Variants in PASD1 observed in about 807,000 individuals in gnomAD.
PASD1 encodes the protein circadian clock protein PASD1.
A neutral mutation model predicts 58.8 loss-of-function variants in PASD1; 13 were observed. That is an observed-to-expected ratio of 0.22 (90% CI 0.14 to 0.35). The LOEUF is 0.35. Ranked by LOEUF, PASD1 falls within the 10% of genes least tolerant of loss-of-function variation. The probability of loss-of-function intolerance (pLI) is 1.00; values close to 1 mark genes in which losing one functional copy is unlikely to be tolerated. For synonymous variants in PASD1, 236 were observed against 216.7 expected, an observed-to-expected ratio of 1.09 and a Z score of -0.78; for missense variants, 734 against 568.3, an observed-to-expected ratio of 1.29 and a Z score of -2.96.
At chrX:151,622,586 TACACACACACACACACAC>T (rs202044764) in intron 6 of PASD1, among the ~76,000 whole-genome samples, 1 of 96,757 alleles carries the variant, frequency 1.0e-5, no homozygotes, top group Non-Finnish European at 2.1e-5. Flanking sequence ...GTGCACAGAT[TACACACACACACACACAC>T]ACACACACAC....
Position 151,664,435 on chromosome X carries a change from T to G in PASD1, c.1071+87T>G. 4 of 1,141,769 alleles carry G rather than the reference T, an allele frequency of 3.5e-6. No homozygotes were observed. The South Asian group carries it at 8.1e-5, about 23-fold the overall frequency. The allele number at this position is 1,141,769 out of a possible 1,213,427, so 94.1% of individuals were successfully genotyped here. A position where few individuals can be genotyped will look rare whatever the true frequency, so the allele number is the denominator to read the frequency against. ...CCAAATTTTCACTCTTGTGACCAGT[T>G]TCACTTCACAGAAAGTATGTTTGTT... On this transcript the variant is annotated intron_variant, in intron 11 of 15. Coordinates refer to ENST00000370357, the MANE Select transcript of PASD1 (RefSeq NM_173493.3).
chrX:151,564,980 A>G (rs1026751948), intron 1 of PASD1, among the ~76,000 whole-genome samples: 1 of 112,155 alleles, frequency 8.9e-6, no homozygotes, highest in African/African-American at 3.2e-5. Context: ...AAGAATGTAA[A>G]TTAATCTACC....
chrX:151,624,030 A>G (rs1428671844), intron 7 of PASD1, among the ~76,000 whole-genome samples: 3 of 111,745 alleles, frequency 2.7e-5, no homozygotes, highest in Non-Finnish European at 5.6e-5. Flanking sequence ...GGAAGGTGAC[A>G]TGATCTGATT....
chrX:151,581,550 C>A (rs1222504126), intron 1 of PASD1, among the ~76,000 whole-genome samples: 2 of 111,298 alleles, frequency 1.8e-5, no homozygotes, highest in African/African-American at 6.5e-5. Flanking sequence ...GATAGCACCA[C>A]TGCACTCCAG....
chrX:151,620,787 A>G (rs1448870021), intron 4 of PASD1, 143 bp from the exon 5 acceptor site: 1 of 371,084 alleles, frequency 2.7e-6, no homozygotes, highest in African/African-American at 2.6e-5. Context: ...GTATAACTGT[A>G]CATGGCTGAG....
chrX:151,650,432 T>C (rs1365736743), intron 9 of PASD1, among the ~76,000 whole-genome samples: 1 of 111,584 alleles, frequency 9.0e-6, no homozygotes, highest in Non-Finnish European at 1.9e-5. Context: ...ACAGCTGCTA[T>C]TTAATTTTGC....
chrX:151,656,434 T>C (rs942131331), intron 9 of PASD1, among the ~76,000 whole-genome samples: 6 of 111,929 alleles, frequency 5.4e-5, no homozygotes, highest in African/African-American at 1.6e-4. Context: ...ATTGAATCTA[T>C]AAATTACCTT....
Position 151,659,943 on chromosome X carries a change from TC to T in PASD1, c.841+110del, listed in dbSNP as rs774174870. 562 of 745,441 alleles carry T rather than the reference TC, an allele frequency of 7.5e-4. No homozygotes were observed. The African/African-American group carries it at 9.7e-3, about 13-fold the overall frequency. The allele number at this position is 745,441 out of a possible 1,213,427, so 61.4% of individuals were successfully genotyped here. A position where few individuals can be genotyped will look rare whatever the true frequency, so the allele number is the denominator to read the frequency against. On this transcript the variant is annotated intron_variant, in intron 10 of 15. Transcript: ENST00000370357. Reference sequence around the variant, plus strand: ...TATAATGCTCTATAATACTGTGAAATCCCAGAGTGAATTCCAACTTTCTTCA... The same window carrying T: ...TATAATGCTCTATAATACTGTGAAATCCAGAGTGAATTCCAACTTTCTTCA...
chrX:151,671,869 G>C, intron 13 of PASD1, 90 bp downstream of exon 13: 1 of 960,988 alleles, frequency 1.0e-6, no homozygotes, highest in Non-Finnish European at 1.4e-6. Flanking sequence ...AGGGGGTAGT[G>C]ACTATCCACT....
At chrX:151,639,091 T>G (rs2013967054) in intron 8 of PASD1, among the ~76,000 whole-genome samples, 1 of 112,453 alleles carries the variant, frequency 8.9e-6, no homozygotes, top group Admixed American at 9.4e-5. Context: ...CCCTTTTGTC[T>G]GTCAGACTTC....
intron 3 of PASD1, among the ~76,000 whole-genome samples, chrX:151,610,989 T>C (rs1157099290): frequency 2.7e-5 from 3 of 111,313 alleles, no homozygotes; most frequent in African/African-American, 9.8e-5. Context: ...CCTCCTACCT[T>C]GTACAGGCCT....
At chrX:151,624,978 T>C (rs757390406) in intron 7 of PASD1, among the ~76,000 whole-genome samples, 2 of 112,050 alleles carry the variant, frequency 1.8e-5, no homozygotes, top group African/African-American at 3.2e-5. Context: ...CCCCAGTAAC[T>C]ACTTCCTTTT....
chrX:151,624,488 C>T (rs1276691088), intron 7 of PASD1, among the ~76,000 whole-genome samples: 1 of 111,955 alleles, frequency 8.9e-6, no homozygotes, highest in Non-Finnish European at 1.9e-5. Flanking sequence ...CCTACCAGCT[C>T]TGTGACCTTG....
At chrX:151,618,727 A>G (rs1460916540) in intron 4 of PASD1, among the ~76,000 whole-genome samples, 2 of 111,972 alleles carry the variant, frequency 1.8e-5, no homozygotes, top group East Asian at 5.6e-4. Flanking sequence ...CATTGCAAAT[A>G]TTTGGGAACG....
chrX:151,612,383 A>G (rs951936651), intron 4 of PASD1, among the ~76,000 whole-genome samples: 1 of 108,138 alleles, frequency 9.2e-6, no homozygotes, highest in African/African-American at 3.4e-5. Flanking sequence ...ATCCCTGAGG[A>G]ATCGCCACAC....
At chrX:151,672,947 T>C (rs1391887957) in intron 14 of PASD1, 2 of 299,783 alleles carry the variant, frequency 6.7e-6, no homozygotes, top group Admixed American at 1.1e-4. Context: ...AACCTTGAAA[T>C]CACTTGGCTG....
intron 11 of PASD1, among the ~76,000 whole-genome samples, chrX:151,667,795 A>G (rs2014404343): frequency 8.9e-6 from 1 of 111,758 alleles, no homozygotes. Context: ...CTTGTGGTAT[A>G]GTTTGAAGTC....
At chrX:151,582,954 A>G (rs2013119221) in intron 1 of PASD1, among the ~76,000 whole-genome samples, 1 of 112,364 alleles carries the variant, frequency 8.9e-6, no homozygotes, top group Non-Finnish European at 1.9e-5. Flanking sequence ...TTGCTACAGA[A>G]CATCAAAGTA....
At chrX:151,652,566 A>C (rs893753634) in intron 9 of PASD1, among the ~76,000 whole-genome samples, 7 of 110,521 alleles carry the variant, frequency 6.3e-5, no homozygotes, top group Non-Finnish European at 1.3e-4. Flanking sequence ...AACAAACAAA[A>C]AAAACTCAAC....
Sources: gnomAD v4.1 joint callset for allele counts (sites outside exome capture counted in the v4.1 genomes callset) on GRCh38, gnomAD v4.1.1 for gene constraint, MANE v1.5 for transcripts, NCBI Gene and HGNC (gene_info 2026-07-23, HGNC 2026-07-21) for gene names.